Variants in MAP3K13 observed in about 807,000 individuals in gnomAD.
The protein encoded by MAP3K13 is mitogen-activated protein kinase kinase kinase 13, also known as leucine zipper-bearing kinase.
Under a neutral mutation model 104.0 loss-of-function variants are expected in MAP3K13, and 52 were observed. The ratio of observed to expected loss-of-function variants is 0.50; its 90% CI spans 0.40 to 0.63. MAP3K13 has a LOEUF of 0.63. Ranked by LOEUF, MAP3K13 falls within the 20% of genes least tolerant of loss-of-function variation. The pLI is 0.00. For synonymous variants in MAP3K13, 394 were observed against 442.2 expected (o/e 0.89, Z 1.37); for missense variants, 914 against 1,218.5 (o/e 0.75, Z 3.72).
intron 1 of MAP3K13, among the ~76,000 whole-genome samples, chr3:185,402,094 C>G (rs536811528): frequency 6.6e-6 from 1 of 152,134 alleles, no homozygotes; most frequent in African/African-American, 2.4e-5. Flanking sequence ...TTGGACTCTC[C>G]CTACTATAAG....
chr3:185,329,274 G>A (rs1325635111), intron 2 of MAP3K13: 1 of 702,986 alleles, frequency 1.4e-6, no homozygotes, highest in East Asian at 2.7e-5. Flanking sequence ...AGTGCCGAGA[G>A]ATTGTTTCTA....
chr3:185,410,676 T>C (rs1713388939), intron 1 of MAP3K13, among the ~76,000 whole-genome samples: 1 of 152,174 alleles, frequency 6.6e-6, no homozygotes, highest in Admixed American at 6.5e-5. Context: ...GGCTCATGCC[T>C]GTAATCCCAA....
intron 2 of MAP3K13, among the ~76,000 whole-genome samples, chr3:185,295,197 TTTGTTGTTG>T (rs570972864): frequency 1.3e-5 from 2 of 151,884 alleles, no homozygotes; most frequent in Non-Finnish European, 2.9e-5. Flanking sequence ...TGTTGTTGTT[TTTGTTGTTG>T]TTGTTGTTGT....
chr3:185,416,317 T>G (rs1441222934), intron 1 of MAP3K13, among the ~76,000 whole-genome samples: 1 of 152,092 alleles, frequency 6.6e-6, no homozygotes, highest in African/African-American at 2.4e-5. Flanking sequence ...TTGAGCATAT[T>G]GACATATATC....
At chr3:185,360,201 A>T (rs1351753676), upstream of MAP3K13, among the ~76,000 whole-genome samples, 1 of 152,170 alleles carries the variant, frequency 6.6e-6, no homozygotes, top group Non-Finnish European at 1.5e-5. Flanking sequence ...ACTTATAATG[A>T]TGGGACTTGG....
At chr3:185,390,450 A>T (rs1238550600) in intron 1 of MAP3K13, among the ~76,000 whole-genome samples, 1 of 152,120 alleles carries the variant, frequency 6.6e-6, no homozygotes, top group African/African-American at 2.4e-5. Context: ...GCACAGTTTC[A>T]TAGAGAAAAT....
At chr3:185,410,644 T>C (rs1713386836) in intron 1 of MAP3K13, among the ~76,000 whole-genome samples, 1 of 151,942 alleles carries the variant, frequency 6.6e-6, no homozygotes, top group Non-Finnish European at 1.5e-5. Flanking sequence ...TTTTAAAAAT[T>C]AAAAAATAGG....
intron 1 of MAP3K13, among the ~76,000 whole-genome samples, chr3:185,413,468 T>C (rs1282377700): frequency 1.3e-5 from 2 of 152,234 alleles, no homozygotes; most frequent in Admixed American, 6.5e-5. Context: ...TAAAGTTAAA[T>C]GACTACGTAT....
chr3:185,470,906 T>A (rs2148920948), intron 10 of MAP3K13, among the ~76,000 whole-genome samples: 1 of 152,344 alleles, frequency 6.6e-6, no homozygotes, highest in South Asian at 2.1e-4. Context: ...ATTTAATTCA[T>A]CCCTAAAGAA....
At chr3:185,362,930 A>ACACACACACACACACAC (rs1723690339), upstream of MAP3K13, 1 of 132,202 alleles carries the variant, frequency 7.6e-6, no homozygotes, top group African/African-American at 2.8e-5. Flanking sequence ...CACAGCTTGA[A>ACACACACACACACACAC]ACACACACAC....
intron 3 of MAP3K13, among the ~76,000 whole-genome samples, chr3:185,442,122 C>T (rs887129016): frequency 6.6e-6 from 1 of 151,142 alleles, no homozygotes; most frequent in Admixed American, 6.6e-5. Flanking sequence ...AGGAGAATCA[C>T]TTGAGCCTGG....
chr3:185,361,233 C>A (rs935226742), upstream of MAP3K13, among the ~76,000 whole-genome samples: 4 of 150,090 alleles, frequency 2.7e-5, no homozygotes, highest in Admixed American at 6.6e-5. Flanking sequence ...ATTTTATTGA[C>A]ATAGTCCACA....
intron 1 of MAP3K13, among the ~76,000 whole-genome samples, chr3:185,410,526 T>C (rs1713379746): frequency 6.6e-6 from 1 of 152,154 alleles, no homozygotes; most frequent in South Asian, 2.1e-4. Flanking sequence ...AAAAGATAAA[T>C]GTTCAAGATG....
At chr3:185,310,464 A>G (rs1721457326) in intron 2 of MAP3K13, among the ~76,000 whole-genome samples, 1 of 152,222 alleles carries the variant, frequency 6.6e-6, no homozygotes, top group Non-Finnish European at 1.5e-5. Context: ...GAGGACTTTA[A>G]TTATGATTGA....
intron 2 of MAP3K13, among the ~76,000 whole-genome samples, chr3:185,350,534 CT>C (rs35638822): frequency 0.018 from 2,725 of 152,230 alleles, 71 homozygotes; most frequent in African/African-American, 0.063. Flanking sequence ...TGTTGGATCT[CT>C]GACTATAATT....
chr3:185,451,463 T>C (rs781551220), intron 7 of MAP3K13, 68 bp downstream of exon 7: 82 of 1,003,276 alleles, frequency 8.2e-5, no homozygotes, highest in Non-Finnish European at 1.2e-4. Flanking sequence ...ACAGAGTAAC[T>C]CTTAGAAGGG....
chr3:185,393,122 TGGGGTG>T, intron 1 of MAP3K13, among the ~76,000 whole-genome samples: 1 of 152,060 alleles, frequency 6.6e-6, no homozygotes, highest in East Asian at 1.9e-4. Flanking sequence ...AAGGGGTTAT[TGGGGTG>T]GGGAGAAGTA....
At position 185,463,675 on chromosome 3, in the gene MAP3K13, C is replaced by A; in HGVS notation, c.1388+16C>A. On this transcript the variant is annotated intron_variant, in intron 8 of 13. Coordinates refer to ENST00000265026, the MANE Select transcript of MAP3K13 (RefSeq NM_004721.5). ...AAGAGCTCAGGTCAGCTCATCCCTC[C>A]TTCCCCACCTCCCTTCATCCCCAGG... 1 of 1,475,518 alleles carries A rather than the reference C, an allele frequency of 6.8e-7. No individual in the cohort carries two copies. The highest frequency in any genetic ancestry group is 9.5e-7 in the Non-Finnish European group (1 of 1,056,282). 91.4% of individuals were successfully genotyped at this position (1,475,518 alleles called of 1,614,324 possible).
chr3:185,448,802 C>CTTA (rs1236957231), intron 5 of MAP3K13, among the ~76,000 whole-genome samples: 2 of 152,116 alleles, frequency 1.3e-5, no homozygotes, highest in African/African-American at 4.8e-5. Context: ...GGGTGCATTC[C>CTTA]TCTTAGGATA....
Sources: allele counts gnomAD v4.1 joint callset (sites outside exome capture counted in the v4.1 genomes callset), GRCh38; gene constraint gnomAD v4.1.1; transcripts MANE v1.5; gene names NCBI Gene and HGNC (gene_info 2026-07-23, HGNC 2026-07-21).